CNTN4: variants seen among roughly 807,000 people sequenced by gnomAD.
CNTN4 encodes contactin 4, also known as contactin-4.
Under a neutral mutation model 122.5 loss-of-function variants are expected in CNTN4, and 77 were observed. The ratio of observed to expected loss-of-function variants is 0.63; its 90% CI spans 0.52 to 0.76. The LOEUF (loss-of-function observed/expected upper bound fraction) is 0.76. Ranked by LOEUF, CNTN4 falls within the 30% of genes least tolerant of loss-of-function variation. The probability of loss-of-function intolerance (pLI) is 0.00; values close to 1 mark genes in which losing one functional copy is unlikely to be tolerated. For synonymous variants in CNTN4, 512 were observed against 447.0 expected (o/e 1.15, Z -1.83); for missense variants, 1,256 against 1,259.1 (o/e 1.00, Z 0.04).
chr3:2,981,301 G>C (rs538374281), intron 13 of CNTN4, among the ~76,000 whole-genome samples: 1 of 151,762 alleles, frequency 6.6e-6, no homozygotes, highest in African/African-American at 2.4e-5. Flanking sequence ...AAAATTAGCC[G>C]GGCGTGGTGG....
intron 2 of CNTN4, among the ~76,000 whole-genome samples, chr3:2,228,218 G>A (rs2039358878): frequency 6.7e-6 from 1 of 149,958 alleles, no homozygotes; most frequent in Non-Finnish European, 1.5e-5. Context: ...TAGCCCACTG[G>A]CCAGATTTGT....
intron 2 of CNTN4, among the ~76,000 whole-genome samples, chr3:2,123,639 G>A (rs907796897): frequency 1.3e-5 from 2 of 152,166 alleles, no homozygotes; most frequent in African/African-American, 4.8e-5. Context: ...TTGAGATGCT[G>A]TAGTTTTCTA....
chr3:2,841,711 G>A lies in CNTN4; in HGVS notation c.454+22130G>A, dbSNP rs1346224323. On this transcript the variant is annotated intron_variant, in intron 7 of 24. Transcript: ENST00000418658. The surrounding 1 kb of genome is among the most constrained non-coding windows in gnomAD (Gnocchi z 4.8). ...AATAGAAAGGACGAGGTTGAAAGTA[G>A]CTGTGCCTTGAAGTTATTAAAAATA... 6.6e-6 allele frequency among the ~76,000 whole-genome samples: 1 copy of A among 152,206 alleles called. No individual in the cohort carries two copies. The highest frequency in any genetic ancestry group is 2.4e-5 in the African/African-American group (1 of 41,460).
chr3:2,604,575 G>A (rs1034252490), intron 4 of CNTN4, among the ~76,000 whole-genome samples: 4 of 152,088 alleles, frequency 2.6e-5, no homozygotes, highest in African/African-American at 9.7e-5. Flanking sequence ...TTAAGAAAAG[G>A]GGGGAAATAA....
intron 3 of CNTN4, among the ~76,000 whole-genome samples, chr3:2,448,539 G>A (rs566542521): frequency 1.3e-5 from 2 of 152,274 alleles, no homozygotes; most frequent in Non-Finnish European, 2.9e-5. Flanking sequence ...ACACTCGAAA[G>A]CTATCGGAAG....
chr3:2,599,402 T>C (rs2080924045), intron 4 of CNTN4, among the ~76,000 whole-genome samples: 1 of 152,218 alleles, frequency 6.6e-6, no homozygotes, highest in Admixed American at 6.5e-5. Context: ...CTCCAATCCT[T>C]GGGGATTTAT....
intron 4 of CNTN4, among the ~76,000 whole-genome samples, chr3:2,695,359 A>G (rs2085968608): frequency 6.6e-6 from 1 of 152,066 alleles, no homozygotes; most frequent in Non-Finnish European, 1.5e-5. Context: ...AACCAAGTAA[A>G]CCCCTCTTAT....
intron 2 of CNTN4, among the ~76,000 whole-genome samples, chr3:2,187,484 C>A (rs1388769551): frequency 6.6e-6 from 1 of 152,148 alleles, no homozygotes; most frequent in Non-Finnish European, 1.5e-5. Context: ...CTGAAGCACG[C>A]CTCTGCTATG....
intron 4 of CNTN4, among the ~76,000 whole-genome samples, chr3:2,572,398 AAAG>A (rs912701608): frequency 3.3e-5 from 5 of 152,294 alleles, no homozygotes; most frequent in African/African-American, 1.2e-4. Context: ...AAAAATAAAA[AAAG>A]AAAAGAAAAG....
At chr3:2,235,867 G>A (rs908853419) in intron 2 of CNTN4, among the ~76,000 whole-genome samples, 1 of 152,050 alleles carries the variant, frequency 6.6e-6, no homozygotes, top group Non-Finnish European at 1.5e-5. Context: ...TGTTCTAAGT[G>A]CTGGAATACA....
chr3:2,630,058 T>C (rs1394659192), intron 4 of CNTN4, among the ~76,000 whole-genome samples: 3 of 152,202 alleles, frequency 2.0e-5, no homozygotes, highest in Non-Finnish European at 4.4e-5. Flanking sequence ...ACAACCATAT[T>C]CATTGGTTTA....
At chr3:2,141,213 A>G (rs780066925) in intron 2 of CNTN4, among the ~76,000 whole-genome samples, 1 of 152,162 alleles carries the variant, frequency 6.6e-6, no homozygotes, top group Non-Finnish European at 1.5e-5. Context: ...TGAATATGCT[A>G]CCTCACATGG....
At chr3:2,701,857 T>A (rs1490567403) in intron 4 of CNTN4, among the ~76,000 whole-genome samples, 1 of 152,192 alleles carries the variant, frequency 6.6e-6, no homozygotes, top group African/African-American at 2.4e-5. Context: ...CCACAATTAC[T>A]TTTGCACCAA....
intron 7 of CNTN4, among the ~76,000 whole-genome samples, chr3:2,837,646 G>C (rs1009844111): frequency 1.3e-5 from 2 of 152,196 alleles, no homozygotes; most frequent in Non-Finnish European, 2.9e-5. Context: ...ATTATGCTAA[G>C]AGGGCTAGTT....
intron 4 of CNTN4, among the ~76,000 whole-genome samples, chr3:2,692,609 C>G (rs1475299335): frequency 6.6e-6 from 1 of 152,176 alleles, no homozygotes; most frequent in African/African-American, 2.4e-5. Flanking sequence ...TCATGAACAG[C>G]TCTCTTTCTT....
intron 2 of CNTN4, among the ~76,000 whole-genome samples, chr3:2,209,139 C>T (rs2038494134): frequency 6.6e-6 from 1 of 152,152 alleles, no homozygotes; most frequent in Non-Finnish European, 1.5e-5. Flanking sequence ...TTAATATCGC[C>T]TAGCAGCTGA....
intron 3 of CNTN4, among the ~76,000 whole-genome samples, chr3:2,531,316 G>C (rs1423569680): frequency 1.3e-5 from 2 of 152,116 alleles, no homozygotes; most frequent in Non-Finnish European, 2.9e-5. Flanking sequence ...GGGCGGGTAG[G>C]CCTGGGTACG....
chr3:2,669,954 C>G (rs577241581), intron 4 of CNTN4, among the ~76,000 whole-genome samples: 10 of 152,232 alleles, frequency 6.6e-5, no homozygotes, highest in African/African-American at 2.4e-4. Flanking sequence ...TGTGGTCTGA[C>G]AGACAATTTG....
intron 3 of CNTN4, among the ~76,000 whole-genome samples, chr3:2,552,126 C>T (rs1306694527): frequency 3.9e-5 from 6 of 151,996 alleles, no homozygotes; most frequent in African/African-American, 1.4e-4. Context: ...TAAGTGAGGC[C>T]AGAGTAAAGG....
Sources: gnomAD v4.1 joint callset for allele counts (sites outside exome capture counted in the v4.1 genomes callset) on GRCh38, gnomAD v4.1.1 for gene constraint, Gnocchi (gnomAD v3.1) non-coding constraint, MANE v1.5 for transcripts, NCBI Gene and HGNC (gene_info 2026-07-23, HGNC 2026-07-21) for gene names.